The following EPN2 variants were observed in gnomAD, a reference collection of about 807,000 sequenced individuals.
EPN2 encodes epsin 2.
A neutral mutation model predicts 61.7 loss-of-function variants in EPN2; 34 were observed. The ratio of observed to expected loss-of-function variants is 0.55; its 90% CI spans 0.42 to 0.73. The LOEUF is 0.73. Among genes scored for constraint, EPN2 ranks in the 30% least tolerant of loss-of-function variants. The probability of loss-of-function intolerance (pLI) is 0.00; values close to 1 mark genes in which losing one functional copy is unlikely to be tolerated. For synonymous variants in EPN2, 349 were observed against 353.6 expected (o/e 0.99, Z 0.15); for missense variants, 714 against 839.2 (o/e 0.85, Z 1.84).
intron 1 of EPN2, chr17:19,271,589 G>A (rs1307465098): frequency 6.6e-6 from 1 of 152,270 alleles, no homozygotes; most frequent in Non-Finnish European, 1.5e-5. Flanking sequence ...GCTTAGATGA[G>A]GCTCAGCGGA....
At chr17:19,331,262 A>G (rs1907143361) in intron 9 of EPN2, among the ~76,000 whole-genome samples, 1 of 152,202 alleles carries the variant, frequency 6.6e-6, no homozygotes, top group South Asian at 2.1e-4. Context: ...CTTTGTGCTT[A>G]TAACCTTGTT....
rs552125842 is a variant in EPN2 at position 19,270,624 on chromosome 17, C to G, written c.-293-11331C>G. Among the ~76,000 whole-genome samples, 42 of 152,340 alleles carry G rather than the reference C, an allele frequency of 2.8e-4. 1 individual carries two copies. The South Asian group carries it at 8.5e-3, about 31-fold the overall frequency. On this transcript the variant is annotated intron_variant, in intron 1 of 10. Transcript: ENST00000314728. ...TACCAACCCTCACAGCCATGCTGAG[C>G]AGCACCTGTTACCTCTATTTGAGAG...
At chr17:19,295,574 A>G (rs1450240182) in intron 4 of EPN2, among the ~76,000 whole-genome samples, 1 of 152,166 alleles carries the variant, frequency 6.6e-6, no homozygotes, top group Non-Finnish European at 1.5e-5. Context: ...TTTGAAGTCA[A>G]TTCCAGAAAT....
chr17:19,311,117 C>T (rs1186572534), intron 5 of EPN2, among the ~76,000 whole-genome samples: 1 of 152,138 alleles, frequency 6.6e-6, no homozygotes, highest in Non-Finnish European at 1.5e-5. Context: ...ACAAGTTCAT[C>T]CCGGCATTGT....
rs184341621 is a variant in EPN2, at chr17:19,313,274, C to T, written c.1142C>T (p.Ser381Leu). ...GCGAGTACTTCAGACCCCTGGCCATCGTTTGGTAAAGACCCCATTACTGGT... is the reference window on the plus strand; with the variant it reads ...GCGAGTACTTCAGACCCCTGGCCATTGTTTGGTAAAGACCCCATTACTGGT... Reference protein sequence around the residue: ...APASTSDPWPSFGTKPAASID... With the variant: ...APASTSDPWPLFGTKPAASID... The change falls in exon 7 of 11, where the codon TCG becomes TTG. Residue 381 changes from serine to leucine, a missense_variant. Transcript: ENST00000314728. The T allele has an allele frequency of 1.3e-5, 20 of 1,535,666 alleles. No homozygotes were observed. The highest frequency in any genetic ancestry group is 7.1e-5 in the East Asian group (3 of 42,490).
intron 5 of EPN2, among the ~76,000 whole-genome samples, chr17:19,310,568 T>TTTC (rs1273489927): frequency 1.0e-5 from 1 of 96,962 alleles, no homozygotes. Context: ...TTTCTCCTTC[T>TTTC]TTCTTTTTTT....
intron 4 of EPN2, among the ~76,000 whole-genome samples, chr17:19,299,752 C>T (rs1293592054): frequency 6.6e-6 from 1 of 152,230 alleles, no homozygotes; most frequent in East Asian, 1.9e-4. Flanking sequence ...CTGCTTTACC[C>T]TCCTGCCTCT....
At chr17:19,307,787 G>A (rs981420396) in intron 4 of EPN2, 3 of 463,750 alleles carry the variant, frequency 6.5e-6, no homozygotes, top group African/African-American at 4.2e-5. Flanking sequence ...CCCAGAAGCA[G>A]CCTCTTTCTA....
At chr17:19,256,375 C>T (rs1306209295) in intron 1 of EPN2, among the ~76,000 whole-genome samples, 2 of 131,366 alleles carry the variant, frequency 1.5e-5, no homozygotes, top group Non-Finnish European at 3.0e-5. Context: ...TGCTTGAGAC[C>T]AGAAGTTTGA....
intron 1 of EPN2, among the ~76,000 whole-genome samples, chr17:19,245,326 T>C (rs1336649308): frequency 2.0e-5 from 3 of 152,174 alleles, no homozygotes; most frequent in Non-Finnish European, 4.4e-5. Flanking sequence ...TTTGTGATCC[T>C]GCAGCTCTGC....
In EPN2 at chr17:19,285,169, G is replaced by A. The variant is rs1462671497; in HGVS notation, c.596-451G>A. On this transcript the variant is annotated intron_variant, in intron 3 of 10. Transcript: ENST00000314728. The surrounding 1 kb of genome is among the most constrained non-coding windows in gnomAD (Gnocchi z 4.5). Reference sequence around the variant, plus strand: ...GACTGTGGCTGTGGCTTTGATGCAGGCCAAGGGGAGCTGCCATTCTCTTTA... The same window carrying A: ...GACTGTGGCTGTGGCTTTGATGCAGACCAAGGGGAGCTGCCATTCTCTTTA... 6.6e-6 allele frequency among the ~76,000 whole-genome samples: 1 copy of A among 152,236 alleles called. No homozygotes were observed. The highest frequency in any genetic ancestry group is 1.5e-5 in the Non-Finnish European group (1 of 68,042).
chr17:19,274,875 T>C (rs1027965437), intron 1 of EPN2, among the ~76,000 whole-genome samples: 2 of 150,026 alleles, frequency 1.3e-5, no homozygotes, highest in Non-Finnish European at 2.9e-5. Context: ...AATTTTTTTT[T>C]CCAGTTTTGT....
Position 19,335,239 on chromosome 17 carries a change from G to A in EPN2, c.*985G>A. The A allele has an allele frequency of 1.8e-6, 1 of 559,676 alleles. No homozygotes were observed. Among genetic ancestry groups the A allele is most frequent in the Non-Finnish European group, 2.9e-6 (1 of 350,406 alleles). The allele number at this position is 559,676 out of a possible 1,614,324, so 34.7% of individuals were successfully genotyped here. A position where few individuals can be genotyped will look rare whatever the true frequency, so the allele number is the denominator to read the frequency against. On this transcript the variant is annotated 3_prime_UTR_variant, in exon 11 of 11. Transcript: ENST00000314728. ...TTGCCTTTTCCTTTCTTTAGCTCCT[G>A]TTTTTGGTGAATTACTAAACTGATT...
At chr17:19,248,687 A>G (rs2044979755) in intron 1 of EPN2, among the ~76,000 whole-genome samples, 1 of 152,222 alleles carries the variant, frequency 6.6e-6, no homozygotes, top group Non-Finnish European at 1.5e-5. Context: ...TATTGAGCAC[A>G]TATGTATTAT....
chr17:19,335,675 A>G lies in EPN2; in HGVS notation c.*1421A>G. The stretch of plus-strand genomic sequence containing the variant: ...ATCCACCTACCTGCTAACTCCAGAT[A>G]TTATTTTTAAGTTGGAGACCTAAAA... On this transcript the variant is annotated 3_prime_UTR_variant, in exon 11 of 11. Coordinates refer to ENST00000314728, the MANE Select transcript of EPN2 (RefSeq NM_014964.5). The G allele has an allele frequency of 2.5e-6, 1 of 406,838 alleles. No homozygotes were observed. The highest frequency in any genetic ancestry group is 4.3e-6 in the Non-Finnish European group (1 of 230,860). The allele number at this position is 406,838 out of a possible 1,614,324, so 25.2% of individuals were successfully genotyped here. A position where few individuals can be genotyped will look rare whatever the true frequency, so the allele number is the denominator to read the frequency against.
intron 1 of EPN2, among the ~76,000 whole-genome samples, chr17:19,249,090 G>A (rs1405828883): frequency 6.6e-6 from 1 of 152,212 alleles, no homozygotes; most frequent in Non-Finnish European, 1.5e-5. Flanking sequence ...GGCGAGCTTG[G>A]TGAGGTTTGA....
At chr17:19,270,630 C>T (rs978796783) in intron 1 of EPN2, among the ~76,000 whole-genome samples, 22 of 152,220 alleles carry the variant, frequency 1.4e-4, no homozygotes, top group African/African-American at 5.3e-4. Flanking sequence ...TGAGCAGCAC[C>T]TGTTACCTCT....
At chr17:19,312,235 C>T (rs1451011284) in intron 6 of EPN2, 91 bp downstream of exon 6, 1 of 879,928 alleles carries the variant, frequency 1.1e-6, no homozygotes, top group East Asian at 2.4e-5. Flanking sequence ...TGGCGTGATG[C>T]ACAGTGAGTT....
At chr17:19,299,960 A>C (rs1400301255) in intron 4 of EPN2, among the ~76,000 whole-genome samples, 1 of 152,210 alleles carries the variant, frequency 6.6e-6, no homozygotes, top group Non-Finnish European at 1.5e-5. Flanking sequence ...TTGAGCACCT[A>C]CTTTGTGCCA....
Sources: gnomAD v4.1 joint callset for allele counts (sites outside exome capture counted in the v4.1 genomes callset) on GRCh38, gnomAD v4.1.1 for gene constraint, Gnocchi (gnomAD v3.1) non-coding constraint, MANE v1.5 for transcripts, NCBI Gene and HGNC (gene_info 2026-07-23, HGNC 2026-07-21) for gene names.